Variants in PALLD observed in about 807,000 individuals in gnomAD.
The protein encoded by PALLD is palladin.
PALLD carries 61 observed loss-of-function variants against 123.5 expected under a neutral mutation model. The observed-to-expected ratio is 0.49, with a 90% CI of 0.40 to 0.61. The LOEUF (loss-of-function observed/expected upper bound fraction) is 0.61. Among genes scored for constraint, PALLD ranks in the 20% least tolerant of loss-of-function variants. PALLD has a pLI of 0.00. For missense variants in PALLD, 1,273 were observed against 1,377.0 expected (o/e 0.92, Z 1.20); for synonymous variants, 465 against 496.4 (o/e 0.94, Z 0.84).
Position 168,928,034 on chromosome 4 carries a change from C to T in PALLD, c.*1854C>T, listed in dbSNP as rs1166136866. 2 of 194,930 alleles carry T rather than the reference C, an allele frequency of 1.0e-5. No individual in the cohort carries two copies. The highest frequency in any genetic ancestry group is 1.6e-4 in the East Asian group (2 of 12,414). 12.1% of individuals were successfully genotyped at this position (194,930 alleles called of 1,614,324 possible). A position where few individuals can be genotyped will look rare whatever the true frequency, so the allele number is the denominator to read the frequency against. ...TCATATTACTGTTTCACATGTACAG[C>T]TTTCTACTTCTTTGTAAGAACACCA... is the stretch of plus-strand genomic sequence containing the variant. On this transcript the variant is annotated 3_prime_UTR_variant, in exon 22 of 22. Transcript: ENST00000505667.
Position 168,926,478 on chromosome 4 carries a change from C to G in PALLD, c.*298C>G. On this transcript the variant is annotated 3_prime_UTR_variant, in exon 22 of 22. Coordinates refer to ENST00000505667, the MANE Select transcript of PALLD (RefSeq NM_001166108.2). ...CATTATGTAAAAGGCAGAAACATACCTTTGACTATAAGAAATTAAAAAAAA... is the reference window on the plus strand; with the variant it reads ...CATTATGTAAAAGGCAGAAACATACGTTTGACTATAAGAAATTAAAAAAAA... The G allele has an allele frequency of 1.2e-6, 1 of 823,710 alleles. No homozygotes were observed. The highest frequency in any genetic ancestry group is 1.8e-6 in the Non-Finnish European group (1 of 556,176). The allele number at this position is 823,710 out of a possible 1,614,324, so 51.0% of individuals were successfully genotyped here.
At chr4:168,814,594 G>A (rs987068257) in intron 10 of PALLD, among the ~76,000 whole-genome samples, 1 of 152,182 alleles carries the variant, frequency 6.6e-6, no homozygotes, top group African/African-American at 2.4e-5. Context: ...AAAAACGGCA[G>A]GAGAGTGCAG....
intron 2 of PALLD, among the ~76,000 whole-genome samples, chr4:168,581,211 G>C (rs1001351388): frequency 2.0e-5 from 3 of 151,884 alleles, no homozygotes; most frequent in Admixed American, 6.6e-5. Flanking sequence ...TACCATGAAC[G>C]TGGGAGTGCA....
At chr4:168,801,435 C>T (rs1209824830) in intron 10 of PALLD, among the ~76,000 whole-genome samples, 1 of 152,120 alleles carries the variant, frequency 6.6e-6, no homozygotes, top group Non-Finnish European at 1.5e-5. Flanking sequence ...CATGCCACCA[C>T]ACCCAGCTAA....
chr4:168,621,975 C>A (rs552072467), intron 2 of PALLD, among the ~76,000 whole-genome samples: 1 of 152,188 alleles, frequency 6.6e-6, no homozygotes, highest in South Asian at 2.1e-4. Flanking sequence ...TTTGTATTTG[C>A]GCCAAAAAGT....
chr4:168,879,287 C>CA (rs908232460), intron 10 of PALLD, among the ~76,000 whole-genome samples: 6 of 151,880 alleles, frequency 4.0e-5, no homozygotes, highest in African/African-American at 1.2e-4. Flanking sequence ...GTAAAATCCT[C>CA]AAAAAAATAC....
chr4:168,696,928 A>G (rs1223192880), intron 8 of PALLD, among the ~76,000 whole-genome samples: 3 of 152,192 alleles, frequency 2.0e-5, no homozygotes, highest in Admixed American at 2.0e-4. Flanking sequence ...AAGTTCCCCA[A>G]ACTGAAAGTT....
intron 2 of PALLD, among the ~76,000 whole-genome samples, chr4:168,608,448 C>A (rs1283372472): frequency 1.3e-5 from 2 of 152,182 alleles, no homozygotes; most frequent in Non-Finnish European, 2.9e-5. Flanking sequence ...AGTATGACAT[C>A]ACTTCCCAAA....
Position 168,770,938 on chromosome 4 carries a change from T to C in PALLD, c.1964+59015T>C, listed in dbSNP as rs149278483. Among the ~76,000 whole-genome samples the C allele has an allele frequency of 2.6e-3, 394 of 152,158 alleles. 1 individual carries two copies. Among genetic ancestry groups the C allele is most frequent in the Non-Finnish European group, 4.5e-3 (309 of 68,008 alleles). On this transcript the variant is annotated intron_variant, in intron 10 of 21. Coordinates refer to ENST00000505667, the MANE Select transcript of PALLD (RefSeq NM_001166108.2). Reference sequence around the variant, plus strand: ...AGCTGGGCATGGGAGCGGGCACTTGTAGTCCCAACTACTTGAGAGGCTGAG... The same window carrying C: ...AGCTGGGCATGGGAGCGGGCACTTGCAGTCCCAACTACTTGAGAGGCTGAG...
chr4:168,923,933 G>A (rs1351119038), intron 18 of PALLD, among the ~76,000 whole-genome samples: 1 of 152,072 alleles, frequency 6.6e-6, no homozygotes, highest in African/African-American at 2.4e-5. Context: ...ATAATCACTA[G>A]TAGTGAAGCC....
chr4:168,624,613 G>A (rs1380021760), intron 2 of PALLD, among the ~76,000 whole-genome samples: 1 of 151,982 alleles, frequency 6.6e-6, no homozygotes, highest in African/African-American at 2.4e-5. Context: ...AATTTGAACA[G>A]AGAAACTAAA....
Position 168,714,902 on chromosome 4 carries a change from A to G in PALLD, c.1964+2979A>G, listed in dbSNP as rs149806922. ...TTTTTTTCTCTCTTGAATAGCTCCA[A>G]TACTGATTGCGGGAAAAGAAAAAAA... On this transcript the variant is annotated intron_variant, in intron 10 of 21. Transcript: ENST00000505667. Among the ~76,000 whole-genome samples the G allele has an allele frequency of 9.9e-5, 15 of 152,134 alleles. No homozygotes were observed. In the East Asian group the frequency reaches 2.9e-3, roughly 29 times the overall value.
At chr4:168,855,377 C>T (rs761198258) in intron 10 of PALLD, among the ~76,000 whole-genome samples, 2 of 152,168 alleles carry the variant, frequency 1.3e-5, no homozygotes, top group African/African-American at 4.8e-5. Flanking sequence ...GTGTGAGCCA[C>T]CTCGCCCAGC....
intron 3 of PALLD, among the ~76,000 whole-genome samples, chr4:168,673,912 G>GTGTC (rs1365031386): frequency 6.6e-6 from 1 of 151,744 alleles, no homozygotes; most frequent in African/African-American, 2.4e-5. Flanking sequence ...GTGTGTGTGT[G>GTGTC]TGTGTCTGTG....
rs1560894892 is a variant in PALLD at position 168,905,138 on chromosome 4, G to GTTTTTTGTT, written c.2622+1238_2622+1239insGTTTTTTTT. On this transcript the variant is annotated intron_variant, in intron 15 of 21. Transcript: ENST00000505667. ...TGAGACTTTGTTTTTTGTTTTGTTG[G>GTTTTTTGTT]TTTTTTTTTTTTTTTTTTTTTTTTT... 2.3e-3 allele frequency among the ~76,000 whole-genome samples: 81 copies of GTTTTTTGTT among 34,532 alleles called. 8 individuals carry two copies. Among genetic ancestry groups the GTTTTTTGTT allele is most frequent in the South Asian group, 6.6e-3 (4 of 604 alleles). The allele number at this position is 34,532 out of a possible 152,430, so 22.7% of individuals were successfully genotyped here.
At chr4:168,788,587 C>A (rs1317840513) in intron 10 of PALLD, among the ~76,000 whole-genome samples, 1 of 152,090 alleles carries the variant, frequency 6.6e-6, no homozygotes, top group African/African-American at 2.4e-5. Flanking sequence ...ATACAATGTA[C>A]AACACCAAGA....
intron 10 of PALLD, among the ~76,000 whole-genome samples, chr4:168,852,970 A>T (rs1748020894): frequency 6.6e-6 from 1 of 152,176 alleles, no homozygotes; most frequent in South Asian, 2.1e-4. Flanking sequence ...CTCTTTATTT[A>T]CTGTTAAACT....
At chr4:168,672,178 C>G (rs1024796357) in intron 3 of PALLD, among the ~76,000 whole-genome samples, 1 of 152,148 alleles carries the variant, frequency 6.6e-6, no homozygotes, top group Non-Finnish European at 1.5e-5. Flanking sequence ...ATACATATTA[C>G]GTATAGTGAT....
intron 1 of PALLD, among the ~76,000 whole-genome samples, chr4:168,510,431 A>G (rs1446883707): frequency 6.6e-6 from 1 of 152,048 alleles, no homozygotes; most frequent in Non-Finnish European, 1.5e-5. Flanking sequence ...TCAAAATTTT[A>G]TATTATTAAC....
Sources: allele counts gnomAD v4.1 joint callset (sites outside exome capture counted in the v4.1 genomes callset), GRCh38; gene constraint gnomAD v4.1.1; transcripts MANE v1.5; gene names NCBI Gene and HGNC (gene_info 2026-07-23, HGNC 2026-07-21).